RNASEH1: variants seen among roughly 807,000 people sequenced by gnomAD.
RNASEH1 encodes ribonuclease H1, also known as ribonuclease H type II.
RNASEH1 carries 27 observed loss-of-function variants against 34.6 expected under a neutral mutation model. That is an observed-to-expected ratio of 0.78 (90% confidence interval 0.58 to 1.08). The LOEUF is 1.08. Ranked by LOEUF, RNASEH1 falls within the 50% of genes least tolerant of loss-of-function variation. The pLI, the probability that RNASEH1 is intolerant of heterozygous loss-of-function variation, is 0.00. For synonymous variants in RNASEH1, 162 were observed against 138.4 expected, an observed-to-expected ratio of 1.17 and a Z score of -1.20; for missense variants, 349 against 373.6, an observed-to-expected ratio of 0.93 and a Z score of 0.54.
chr2:3,535,560 G>A, the RNASEH1 span, among the ~76,000 whole-genome samples: 1 of 152,156 alleles, frequency 6.6e-6, no homozygotes, highest in East Asian at 1.9e-4. Flanking sequence ...CAAAGCCCCT[G>A]AGGCAGGAGG....
chr2:3,551,258 G>A (rs1254835635), intron 3 of RNASEH1, among the ~76,000 whole-genome samples: 1 of 152,228 alleles, frequency 6.6e-6, no homozygotes, highest in African/African-American at 2.4e-5. Context: ...GGGGAGTGTG[G>A]GTGTTGGGCA....
chr2:3,549,263 C>T, intron 4 of RNASEH1, 151 bp from the exon 5 acceptor site: 1 of 709,002 alleles, frequency 1.4e-6, no homozygotes, highest in Non-Finnish European at 2.4e-6. Context: ...CAGCAGAGAG[C>T]AGCACACAGG....
the RNASEH1 span, chr2:3,533,808 G>A: frequency 1.3e-5 from 2 of 152,298 alleles, no homozygotes; most frequent in Non-Finnish European, 2.9e-5. Flanking sequence ...AGACAATGCA[G>A]GGTCCGTGAA....
rs957199369 is a variant in RNASEH1, at chr2:3,550,248, T to C, written c.509+125A>G. ...CCAACACGAACCAAAGCTGCTCCTC[T>C]GCCACCCCTGCCAGAGCTACTTATC... On this transcript the variant is annotated intron_variant, in intron 4 of 7. Coordinates refer to ENST00000315212, the MANE Select transcript of RNASEH1 (RefSeq NM_002936.6). 21 of 799,738 alleles carry C rather than the reference T, an allele frequency of 2.6e-5. No homozygotes were observed. In the Admixed American group the frequency reaches 3.7e-4, roughly 14 times the overall value. 49.5% of individuals were successfully genotyped at this position (799,738 alleles called of 1,614,324 possible). A position where few individuals can be genotyped will look rare whatever the true frequency, so the allele number is the denominator to read the frequency against.
chr2:3,552,117 A>C, intron 3 of RNASEH1, 27 bp downstream of exon 3: 1 of 1,585,726 alleles, frequency 6.3e-7, no homozygotes, highest in Non-Finnish European at 8.6e-7. Flanking sequence ...TGTGGTATTA[A>C]AATCTGAAAA....
intron 1 of RNASEH1, among the ~76,000 whole-genome samples, chr2:3,557,502 T>C (rs1265826662): frequency 6.6e-6 from 1 of 152,234 alleles, no homozygotes; most frequent in South Asian, 2.1e-4. Flanking sequence ...CTCAATACTG[T>C]AGCTGCCGTG....
At chr2:3,552,592 ACC>A (rs1660081127) in intron 2 of RNASEH1, among the ~76,000 whole-genome samples, 1 of 45,168 alleles carries the variant, frequency 2.2e-5, no homozygotes, top group African/African-American at 8.8e-5. Flanking sequence ...CACCACCACC[ACC>A]CCCTCCCCTC....
chr2:3,546,929 C>A (rs1034849317), intron 7 of RNASEH1, among the ~76,000 whole-genome samples: 8 of 152,154 alleles, frequency 5.3e-5, no homozygotes, highest in African/African-American at 1.2e-4. Context: ...TCAAGACCAG[C>A]CTGGGTAACA....
At chr2:3,538,145 C>T (rs1470024820), downstream of RNASEH1, among the ~76,000 whole-genome samples, 12 of 151,524 alleles carry the variant, frequency 7.9e-5, no homozygotes, top group African/African-American at 2.7e-4. Flanking sequence ...GGTCGGGAGT[C>T]GGAGACCAGC....
Position 3,552,165 on chromosome 2 carries a change from T to C in RNASEH1, c.388A>G (p.Arg130Gly). The C allele has an allele frequency of 1.2e-6, 2 of 1,610,824 alleles. No homozygotes were observed. Among genetic ancestry groups the C allele is most frequent in the Non-Finnish European group, 1.7e-6 (2 of 1,179,478 alleles). ...PSVEPAPPVS[R>G]DTFSYMGDFV... is the part of the protein sequence containing the mutation. ...GTACCCATGTAGGAAAACGTGTCTC[T>C]GCTAACTGGAGGCGCCGGCTCCACG... Residue 130 changes from arginine to glycine, a missense_variant, in exon 3 of 8, where the codon AGA becomes GGA. Physicochemically the swap from Arg to Gly is moderately radical, Grantham distance 125. Around this residue, in one of 2 missense-constraint regions of RNASEH1, gnomAD observed 256 missense variants for 240.7 expected, o/e 1.06. Coordinates refer to ENST00000315212, the MANE Select transcript of RNASEH1 (RefSeq NM_002936.6).
At chr2:3,550,225 A>C in intron 4 of RNASEH1, 148 bp downstream of exon 4, 3 of 713,256 alleles carry the variant, frequency 4.2e-6, no homozygotes, top group Non-Finnish European at 7.7e-6. Flanking sequence ...GCTTAGCCCC[A>C]ACACGAACCA....
rs186475742 is a variant in RNASEH1, at chr2:3,549,109, A to G, written c.513T>C (p.Asn171=). 16 of 1,612,462 alleles carry G rather than the reference A, an allele frequency of 9.9e-6. No individual in the cohort carries two copies. The African/African-American group carries it at 2.1e-4, about 21-fold the overall frequency. ...GCCGCCCAGGAAGTCTAATGCCTAC[A>G]TTTCTGTTTCAAAACAGTACAAAAG... ...GVYWGPGHPL[N]VGIRLPGRQT... is the part of the protein sequence containing the mutation. The change falls in exon 5 of 8, where the codon AAT becomes AAC. Residue 171 remains asparagine, a synonymous_variant. Coordinates refer to ENST00000315212, the MANE Select transcript of RNASEH1 (RefSeq NM_002936.6).
At chr2:3,553,858 A>T (rs1168880839) in intron 2 of RNASEH1, among the ~76,000 whole-genome samples, 1 of 152,214 alleles carries the variant, frequency 6.6e-6, no homozygotes, top group Non-Finnish European at 1.5e-5. Context: ...CGTCAACTGA[A>T]TTAAACCCTC....
chr2:3,540,105 A>G (rs1174701972), downstream of RNASEH1, among the ~76,000 whole-genome samples: 1 of 152,110 alleles, frequency 6.6e-6, no homozygotes, highest in African/African-American at 2.4e-5. Flanking sequence ...AACGGCCTCT[A>G]TTTGTGCGGC....
downstream of RNASEH1, among the ~76,000 whole-genome samples, chr2:3,541,204 C>G (rs1668280261): frequency 6.6e-6 from 1 of 151,918 alleles, no homozygotes; most frequent in South Asian, 2.1e-4. Flanking sequence ...TGGCGGGCAC[C>G]TGTAGTCCCA....
rs1668672379 is a variant in RNASEH1 at position 3,545,633 on chromosome 2, G to A, written c.*152C>T. ...ACTTAACCATTTTTTATAAACACAT[G>A]TCACAGAAGGCCACTGTGCCTGATT... On this transcript the variant is annotated 3_prime_UTR_variant, in exon 8 of 8. Transcript: ENST00000315212. 3.2e-6 allele frequency: 2 copies of A among 624,744 alleles called. No homozygotes were observed. Among genetic ancestry groups the A allele is most frequent in the Admixed American group, 2.8e-5 (1 of 35,524 alleles). The allele number at this position is 624,744 out of a possible 1,614,324, so 38.7% of individuals were successfully genotyped here. A position where few individuals can be genotyped will look rare whatever the true frequency, so the allele number is the denominator to read the frequency against.
In RNASEH1 at chr2:3,545,630, C is replaced by G. The variant is rs1668671565; in HGVS notation, c.*155G>C. The G allele has an allele frequency of 1.1e-5, 7 of 620,904 alleles. No individual in the cohort carries two copies. In the Admixed American group the frequency reaches 2.0e-4, roughly 18 times the overall value. The allele number at this position is 620,904 out of a possible 1,614,324, so 38.5% of individuals were successfully genotyped here. On this transcript the variant is annotated 3_prime_UTR_variant, in exon 8 of 8. Coordinates refer to ENST00000315212, the MANE Select transcript of RNASEH1 (RefSeq NM_002936.6). ...TATACTTAACCATTTTTTATAAACACATGTCACAGAAGGCCACTGTGCCTG... is the reference window on the plus strand; with the variant it reads ...TATACTTAACCATTTTTTATAAACAGATGTCACAGAAGGCCACTGTGCCTG...
downstream of RNASEH1, among the ~76,000 whole-genome samples, chr2:3,540,236 A>G (rs1200467309): frequency 6.6e-6 from 1 of 152,150 alleles, no homozygotes; most frequent in Non-Finnish European, 1.5e-5. Flanking sequence ...GCAATTATAT[A>G]TCATTGTTAA....
At chr2:3,532,431 C>T in the RNASEH1 span, 25 of 690,334 alleles carry the variant, frequency 3.6e-5, no homozygotes, top group Non-Finnish European at 5.6e-5. Flanking sequence ...GCTGAACTCC[C>T]AAGGGGCCCC....
Sources: allele counts gnomAD v4.1 joint callset (sites outside exome capture counted in the v4.1 genomes callset), GRCh38; gene constraint gnomAD v4.1.1; regional missense constraint gnomAD v4.1.1; transcripts MANE v1.5; gene names NCBI Gene and HGNC (gene_info 2026-07-23, HGNC 2026-07-21).